Variants in AKAP10 observed in about 807,000 individuals in gnomAD.
AKAP10 encodes A-kinase anchoring protein 10.
Under a neutral mutation model 80.8 loss-of-function variants are expected in AKAP10, and 24 were observed. The ratio of observed to expected loss-of-function variants is 0.30; its 90% CI spans 0.22 to 0.42. The LOEUF (loss-of-function observed/expected upper bound fraction) is 0.42. AKAP10 is among the 10% of genes least tolerant of loss of function. AKAP10 has a pLI of 1.00. For missense variants in AKAP10, 661 were observed against 794.9 expected (o/e 0.83, Z 2.03); for synonymous variants, 291 against 277.7 (o/e 1.05, Z -0.48).
rs1322956127 is a variant in AKAP10, at chr17:19,940,952, T to C, written c.1120A>G (p.Thr374Ala). The C allele has an allele frequency of 2.5e-6, 4 of 1,612,188 alleles. No individual in the cohort carries two copies. The highest frequency in any genetic ancestry group is 3.4e-6 in the Non-Finnish European group (4 of 1,179,518). ...HFCKYQIEVLTSGTVYLADIL... is the reference protein window; with the variant it reads ...HFCKYQIEVLASGTVYLADIL... ...TCAGCCAGGTAAACAGTTCCACTGG[T>C]CAGCACTTCAATCTGGTATTTACAG... The change falls in exon 7 of 15, where the codon ACC becomes GCC. Residue 374 changes from threonine to alanine, a missense_variant. Physicochemically the swap from Thr to Ala is moderately conservative, Grantham distance 58. Transcript: ENST00000225737.
chr17:19,941,363 A>AT (rs1230068741), intron 6 of AKAP10, among the ~76,000 whole-genome samples: 1 of 152,082 alleles, frequency 6.6e-6, no homozygotes. Flanking sequence ...GAATGAATAG[A>AT]TTTTTTTTAA....
intron 2 of AKAP10, among the ~76,000 whole-genome samples, chr17:19,964,475 A>G (rs960063637): frequency 3.3e-5 from 5 of 152,268 alleles, no homozygotes; most frequent in African/African-American, 1.2e-4. Context: ...TCTTGAGGCT[A>G]TCTGTTCTTC....
chr17:19,936,121 C>T (rs887340149), intron 9 of AKAP10, 165 bp downstream of exon 9: 10 of 613,188 alleles, frequency 1.6e-5, no homozygotes, highest in Non-Finnish European at 2.3e-5. Context: ...TTATGTGGCA[C>T]GTGACTGTAC....
intron 9 of AKAP10, among the ~76,000 whole-genome samples, chr17:19,934,755 G>A (rs758025459): frequency 2.0e-5 from 3 of 152,206 alleles, no homozygotes; most frequent in Non-Finnish European, 2.9e-5. Flanking sequence ...GCTCATGCCT[G>A]TAATCCCAGC....
intron 3 of AKAP10, among the ~76,000 whole-genome samples, chr17:19,960,759 C>T (rs1407401933): frequency 6.6e-6 from 1 of 152,194 alleles, no homozygotes. Context: ...GGGATGACGG[C>T]TCATGCCTGT....
chr17:19,921,241 C>G (rs941000856), intron 11 of AKAP10, among the ~76,000 whole-genome samples: 2 of 151,070 alleles, frequency 1.3e-5, no homozygotes, highest in Admixed American at 6.6e-5. Context: ...GATCTAAGTT[C>G]ACTGCAACCT....
chr17:19,962,580 T>G (rs1349979539), intron 3 of AKAP10, among the ~76,000 whole-genome samples: 1 of 152,200 alleles, frequency 6.6e-6, no homozygotes, highest in African/African-American at 2.4e-5. Context: ...AGTAATAAAG[T>G]GAGACATCTT....
chr17:19,923,345 T>C (rs1301508018), intron 11 of AKAP10, among the ~76,000 whole-genome samples: 2 of 152,106 alleles, frequency 1.3e-5, no homozygotes, highest in Non-Finnish European at 2.9e-5. Flanking sequence ...CCCAAAGTGG[T>C]GGGATTACAG....
At chr17:19,928,787 T>C (rs542987049) in intron 10 of AKAP10, among the ~76,000 whole-genome samples, 46 of 152,236 alleles carry the variant, frequency 3.0e-4, no homozygotes, top group Admixed American at 2.3e-3. Flanking sequence ...GGAGAACTGC[T>C]TGAACCCAGG....
At chr17:19,932,810 A>G (rs913654958) in intron 9 of AKAP10, among the ~76,000 whole-genome samples, 5 of 152,036 alleles carry the variant, frequency 3.3e-5, no homozygotes, top group Admixed American at 1.3e-4. Flanking sequence ...TTTTCAAATA[A>G]TTCTTAAATA....
In AKAP10 at chr17:19,977,579, C is replaced by T. The variant is rs1483076479; in HGVS notation, c.88+13G>A. On this transcript the variant is annotated intron_variant, in intron 1 of 14. Transcript: ENST00000225737. ...GGCCCGGCCTGACTCCCCGCCGGCG[C>T]CCCCTCAGCTACCTTTCCGCCGGAA... 8.1e-7 allele frequency: 1 copy of T among 1,233,316 alleles called. No individual in the cohort carries two copies. Among genetic ancestry groups the T allele is most frequent in the Admixed American group, 4.2e-5 (1 of 23,700 alleles). 76.4% of individuals were successfully genotyped at this position (1,233,316 alleles called of 1,614,324 possible). A position where few individuals can be genotyped will look rare whatever the true frequency, so the allele number is the denominator to read the frequency against.
chr17:19,931,090 T>C (rs2042927149), intron 10 of AKAP10, among the ~76,000 whole-genome samples: 1 of 152,050 alleles, frequency 6.6e-6, no homozygotes, highest in Non-Finnish European at 1.5e-5. Context: ...GGGTGGATTA[T>C]TTGAGCCCAG....
intron 1 of AKAP10, among the ~76,000 whole-genome samples, chr17:19,975,859 C>T (rs755372983): frequency 6.6e-6 from 1 of 152,024 alleles, no homozygotes; most frequent in African/African-American, 2.4e-5. Flanking sequence ...TGTTTTCCCC[C>T]CTTAAAAAAA....
At position 19,962,815 on chromosome 17, in the gene AKAP10, T is replaced by C. The variant is rs201425297; in HGVS notation, c.319+25A>G. 35 of 1,602,124 alleles carry C rather than the reference T, an allele frequency of 2.2e-5. No individual in the cohort carries two copies. The East Asian group carries it at 7.2e-4, about 33-fold the overall frequency. ...TGTACTCAAATCCTTCTAATACAAG[T>C]TAATAAAAAATGATAGTTACTTACC... On this transcript the variant is annotated intron_variant, in intron 3 of 14. Transcript: ENST00000225737.
chr17:19,970,364 A>G (rs1002026824), intron 1 of AKAP10, among the ~76,000 whole-genome samples: 18 of 152,334 alleles, frequency 1.2e-4, no homozygotes, highest in Admixed American at 9.2e-4. Flanking sequence ...CCTACTATCA[A>G]TCAGATCTCC....
intron 12 of AKAP10, among the ~76,000 whole-genome samples, chr17:19,917,914 CA>C (rs909919802): frequency 1.4e-4 from 21 of 147,546 alleles, no homozygotes; most frequent in Non-Finnish European, 2.4e-4. Flanking sequence ...TCCCACCCGA[CA>C]AAAAAAAAGA....
At chr17:19,938,004 G>C (rs1168379513) in intron 8 of AKAP10, among the ~76,000 whole-genome samples, 1 of 138,632 alleles carries the variant, frequency 7.2e-6, no homozygotes, top group African/African-American at 2.7e-5. Flanking sequence ...TTGAGATGCA[G>C]TCCTCTGCCT....
chr17:19,953,567 C>T (rs937465532), intron 4 of AKAP10, among the ~76,000 whole-genome samples: 19 of 152,102 alleles, frequency 1.2e-4, no homozygotes, highest in Non-Finnish European at 2.2e-4. Context: ...ACTACAAACC[C>T]GAAATGCTAT....
intron 4 of AKAP10, among the ~76,000 whole-genome samples, chr17:19,957,006 T>C (rs2152417482): frequency 6.6e-6 from 1 of 152,006 alleles, no homozygotes; most frequent in South Asian, 2.1e-4. Context: ...TGAGAATGAG[T>C]GAACTAAAAG....
Sources: gnomAD v4.1 joint callset for allele counts (sites outside exome capture counted in the v4.1 genomes callset) on GRCh38, gnomAD v4.1.1 for gene constraint, MANE v1.5 for transcripts, NCBI Gene and HGNC (gene_info 2026-07-23, HGNC 2026-07-21) for gene names.